Variants in IMMP2L observed in about 807,000 individuals in gnomAD.
IMMP2L encodes the protein mitochondrial inner membrane protease subunit 2.
IMMP2L carries 18 observed loss-of-function variants against 19.3 expected under a neutral mutation model. That is an observed-to-expected ratio of 0.93 (90% CI 0.64 to 1.38). The LOEUF (loss-of-function observed/expected upper bound fraction) is 1.38, where lower values mean the gene tolerates loss of function less well. Ranked by LOEUF, IMMP2L falls within the 40% of genes most tolerant of loss-of-function variation. IMMP2L has a pLI of 0.00. For missense variants in IMMP2L, 233 were observed against 218.2 expected (o/e 1.07, Z -0.43); for synonymous variants, 76 against 73.0 (o/e 1.04, Z -0.21).
intron 5 of IMMP2L, among the ~76,000 whole-genome samples, chr7:110,667,318 T>C (rs981196614): frequency 6.6e-6 from 1 of 152,234 alleles, no homozygotes; most frequent in African/African-American, 2.4e-5. Context: ...TATATAAATT[T>C]ACATCATTCA....
chr7:111,349,351 T>G (rs929736246), intron 3 of IMMP2L, among the ~76,000 whole-genome samples: 2 of 152,126 alleles, frequency 1.3e-5, no homozygotes, highest in African/African-American at 4.8e-5. Flanking sequence ...GAAACATTGT[T>G]TCCACTCCCC....
At chr7:111,115,801 G>A (rs1799814216) in intron 3 of IMMP2L, among the ~76,000 whole-genome samples, 1 of 151,996 alleles carries the variant, frequency 6.6e-6, no homozygotes. Context: ...CCGAGTAGCT[G>A]GGACTAGAGA....
At chr7:110,977,899 A>T (rs1359583194) in intron 3 of IMMP2L, among the ~76,000 whole-genome samples, 1 of 152,092 alleles carries the variant, frequency 6.6e-6, no homozygotes, top group Non-Finnish European at 1.5e-5. Flanking sequence ...ATGTATTCAT[A>T]CTGGGAAATT....
At chr7:111,001,229 T>G (rs1289391163) in intron 3 of IMMP2L, among the ~76,000 whole-genome samples, 2 of 152,180 alleles carry the variant, frequency 1.3e-5, no homozygotes, top group East Asian at 3.9e-4. Context: ...TTATTGTACT[T>G]TTAAAACATT....
intron 3 of IMMP2L, among the ~76,000 whole-genome samples, chr7:111,192,780 A>G (rs10256013): frequency 0.023 from 3,473 of 152,258 alleles, 136 homozygotes; most frequent in African/African-American, 0.079. Flanking sequence ...GATCAAATGC[A>G]GAACTAAAAC....
chr7:111,398,381 T>C (rs1833078778), intron 3 of IMMP2L, among the ~76,000 whole-genome samples: 1 of 152,100 alleles, frequency 6.6e-6, no homozygotes, highest in Non-Finnish European at 1.5e-5. Flanking sequence ...AAAAATCACA[T>C]GATCATCTCA....
chr7:110,936,970 G>T (rs1034446083), intron 4 of IMMP2L, among the ~76,000 whole-genome samples: 3 of 152,116 alleles, frequency 2.0e-5, no homozygotes, highest in South Asian at 2.1e-4. Flanking sequence ...ACAGAAAACT[G>T]CATGTTCTTA....
chr7:110,823,880 G>T (rs896924894), intron 5 of IMMP2L, among the ~76,000 whole-genome samples: 1 of 152,026 alleles, frequency 6.6e-6, no homozygotes, highest in African/African-American at 2.4e-5. Flanking sequence ...CAGTATCAAA[G>T]AACATCGGAA....
chr7:110,952,651 T>A (rs1299763599), intron 4 of IMMP2L, among the ~76,000 whole-genome samples: 1 of 152,030 alleles, frequency 6.6e-6, no homozygotes, highest in East Asian at 1.9e-4. Flanking sequence ...GATAGAGGCA[T>A]GGAGATGTGG....
At position 111,155,003 on chromosome 7, in the gene IMMP2L, T is replaced by C. The variant is rs369463839; in HGVS notation, c.240-191438A>G. Among the ~76,000 whole-genome samples, 137 of 152,186 alleles carry C rather than the reference T, an allele frequency of 9.0e-4. 1 individual carries two copies. Among genetic ancestry groups the C allele is most frequent in the African/African-American group, 3.2e-3 (131 of 41,536 alleles). ...GAACTCCTGGACTCATGTGATCTCCTACACCTTGGCTTCCCAAAGACTGAC... is the reference window on the plus strand; with the variant it reads ...GAACTCCTGGACTCATGTGATCTCCCACACCTTGGCTTCCCAAAGACTGAC... On this transcript the variant is annotated intron_variant, in intron 3 of 5. Transcript: ENST00000405709.
chr7:110,984,302 A>C (rs985957507), intron 3 of IMMP2L, among the ~76,000 whole-genome samples: 1 of 151,962 alleles, frequency 6.6e-6, no homozygotes, highest in African/African-American at 2.4e-5. Flanking sequence ...AAAAAAAAAA[A>C]ACCACCTAGA....
chr7:111,535,264 C>T (rs561451602), intron 1 of IMMP2L, among the ~76,000 whole-genome samples: 1 of 150,472 alleles, frequency 6.6e-6, no homozygotes, highest in East Asian at 2.0e-4. Flanking sequence ...AGAAATGTTC[C>T]ATATCAAAAA....
At chr7:111,024,578 T>C (rs957727415) in intron 3 of IMMP2L, among the ~76,000 whole-genome samples, 2 of 152,208 alleles carry the variant, frequency 1.3e-5, no homozygotes, top group African/African-American at 4.8e-5. Context: ...AACATATTGA[T>C]AAAGTGCCTG....
chr7:111,260,554 T>A (rs1817207192), intron 3 of IMMP2L, among the ~76,000 whole-genome samples: 1 of 152,134 alleles, frequency 6.6e-6, no homozygotes, highest in African/African-American at 2.4e-5. Flanking sequence ...CAAAGTAGAT[T>A]CAAAATTTTG....
At position 110,757,097 on chromosome 7, in the gene IMMP2L, A is replaced by C. The variant is rs1467030015; in HGVS notation, c.409-93376T>G. ...AGTGGGTCAGATAAATAACAAACCA[A>C]ATAAATAAGTTAAATGATATAGCAT... On this transcript the variant is annotated intron_variant, in intron 5 of 5. Coordinates refer to ENST00000405709, the MANE Select transcript of IMMP2L (RefSeq NM_032549.4). This position sits in a 1 kb window ranked among gnomAD's most constrained non-coding sequence, Gnocchi z 4.2. 6.6e-6 allele frequency among the ~76,000 whole-genome samples: 1 copy of C among 152,102 alleles called. No individual in the cohort carries two copies. The highest frequency in any genetic ancestry group is 2.4e-5 in the African/African-American group (1 of 41,448).
At chr7:110,787,196 C>A (rs1800140400) in intron 5 of IMMP2L, among the ~76,000 whole-genome samples, 2 of 151,890 alleles carry the variant, frequency 1.3e-5, no homozygotes, top group African/African-American at 2.4e-5. Context: ...AAAGTGCTTC[C>A]CAACCCTTAA....
chr7:111,404,584 G>C (rs1833755661), intron 3 of IMMP2L, among the ~76,000 whole-genome samples: 1 of 152,010 alleles, frequency 6.6e-6, no homozygotes, highest in African/African-American at 2.4e-5. Flanking sequence ...AACTATTTCA[G>C]TGAAAACAGG....
chr7:111,078,979 C>T (rs1011505252), intron 3 of IMMP2L, among the ~76,000 whole-genome samples: 1 of 152,098 alleles, frequency 6.6e-6, no homozygotes, highest in Non-Finnish European at 1.5e-5. Flanking sequence ...ATCCACCTGC[C>T]TTGACCTCCC....
intron 3 of IMMP2L, among the ~76,000 whole-genome samples, chr7:111,135,595 C>G (rs1057353028): frequency 6.6e-6 from 1 of 152,106 alleles, no homozygotes; most frequent in African/African-American, 2.4e-5. Flanking sequence ...GACTTGAAAT[C>G]CCAACATTAC....
Sources: gnomAD v4.1 joint callset for allele counts (sites outside exome capture counted in the v4.1 genomes callset) on GRCh38, gnomAD v4.1.1 for gene constraint, Gnocchi (gnomAD v3.1) non-coding constraint, MANE v1.5 for transcripts, NCBI Gene and HGNC (gene_info 2026-07-23, HGNC 2026-07-21) for gene names.